The following MYO1C variants were observed in gnomAD, a reference collection of about 807,000 sequenced individuals.
MYO1C encodes unconventional myosin-Ic.
In MYO1C, 104 loss-of-function variants were observed where a neutral mutation model predicts 150.8. The observed-to-expected ratio is 0.69, with a 90% CI of 0.59 to 0.81. The LOEUF is 0.81. MYO1C is among the 30% of genes least tolerant of loss of function. The pLI is 0.00. For missense variants in MYO1C, 1,504 were observed against 1,435.0 expected (o/e 1.05, Z -0.78); for synonymous variants, 663 against 579.9 (o/e 1.14, Z -2.06).
chr17:1,475,588 G>T (rs532703308), intron 14 of MYO1C, among the ~76,000 whole-genome samples: 13 of 152,356 alleles, frequency 8.5e-5, no homozygotes, highest in Non-Finnish European at 1.5e-5. Context: ...TCGTTGCTTC[G>T]GCCGCTGCGG....
Position 1,468,287 on chromosome 17 carries a change from C to G in MYO1C, c.2726G>C (p.Arg909Pro), listed in dbSNP as rs533875818. The G allele has an allele frequency of 6.2e-7, 1 of 1,613,664 alleles. No individual in the cohort carries two copies. Among genetic ancestry groups the G allele is most frequent in the African/African-American group, 1.3e-5 (1 of 74,876 alleles). Residue 909 changes from arginine (R) to proline (P), a missense_variant, in exon 27 of 32, where the codon CGA becomes CCA. Coordinates refer to ENST00000648651, the MANE Select transcript of MYO1C (RefSeq NM_001080779.2). ...CTCAGAGCCCAAGGCCTGCAGCACT[C>G]GGGGGCTGATCTCATCTGTACCTGC... ...TRLGTDEISP[R>P]VLQALGSEPI...
chr17:1,481,818 C>T (rs568204054), intron 5 of MYO1C, among the ~76,000 whole-genome samples: 134 of 118,072 alleles, frequency 1.1e-3, no homozygotes, highest in Non-Finnish European at 1.8e-3. Flanking sequence ...TCCCCTTCTA[C>T]TCAGAGTTAA....
At chr17:1,484,901 G>T (rs866551301) in intron 1 of MYO1C, 2 of 45,966 alleles carry the variant, frequency 4.4e-5, no homozygotes, top group Non-Finnish European at 3.9e-5. Context: ...CACCTCCACC[G>T]GTAGAGCGTC....
chr17:1,471,941 C>G lies in MYO1C; in HGVS notation c.1987G>C (p.Ala663Pro), dbSNP rs767175911. 1.2e-6 allele frequency: 2 copies of G among 1,614,048 alleles called. No homozygotes were observed. The highest frequency in any genetic ancestry group is 8.5e-7 in the Non-Finnish European group (1 of 1,180,042). The change falls in exon 19 of 32, where the codon GCC becomes CCC. Residue 663 changes from alanine to proline, a missense_variant. Ala to Pro is a conservative substitution (Grantham distance 27). Transcript: ENST00000648651. The part of the protein sequence containing the change: ...ENLRVRRAGF[A>P]YRRKYEAFLQ... ...AAAGCTTCGTATTTGCGGCGATAGG[C>G]AAAGCCGGCTCTGCGCACGCGCAGG...
chr17:1,467,804 A>G lies in MYO1C; in HGVS notation c.2967+36T>C, dbSNP rs141538791. ...CCCCACCTCCCCATCTACCTCCCCC[A>G]TCCCCCACCACTCCTCCCCATCCAT... is the stretch of plus-strand genomic sequence containing the variant. On this transcript the variant is annotated intron_variant, in intron 29 of 31. Coordinates refer to ENST00000648651, the MANE Select transcript of MYO1C (RefSeq NM_001080779.2). 9,406 of 866,528 alleles carry G rather than the reference A, an allele frequency of 0.011. 1,015 individuals are homozygous for G. The African/African-American group carries it at 0.18, about 17-fold the overall frequency. The allele number at this position is 866,528 out of a possible 1,614,324, so 53.7% of individuals were successfully genotyped here.
intron 1 of MYO1C, chr17:1,485,642 TG>T: frequency 2.6e-6 from 3 of 1,175,708 alleles, no homozygotes; most frequent in Admixed American, 4.1e-5. Flanking sequence ...CGCCGCGAGG[TG>T]GGGAGGGACG....
chr17:1,484,300 G>C lies in MYO1C; in HGVS notation c.79C>G (p.Leu27Val), dbSNP rs779896434. 6.2e-7 allele frequency: 1 copy of C among 1,609,588 alleles called. No homozygotes were observed. Among genetic ancestry groups the C allele is most frequent in the Admixed American group, 1.7e-5 (1 of 59,990 alleles). ...VHPHRPCKLA[L>V]GSDGVRVTME... is the part of the protein sequence containing the mutation. ...GTCACCCGAACCCCGTCACTGCCCA[G>C]GGCCTGCAGAGAATGGGCCACAGAA... The change falls in exon 2 of 32, where the codon CTG becomes GTG. Residue 27 changes from leucine (L) to valine (V), a missense_variant. Transcript: ENST00000648651.
Position 1,476,241 on chromosome 17 carries a change from C to G in MYO1C, c.1575-1209G>C, listed in dbSNP as rs2074401386. Among the ~76,000 whole-genome samples, 3 of 151,406 alleles carry G rather than the reference C, an allele frequency of 2.0e-5. No individual in the cohort carries two copies. In the South Asian group the frequency reaches 6.2e-4, roughly 32 times the overall value. On this transcript the variant is annotated intron_variant, in intron 14 of 31. Coordinates refer to ENST00000648651, the MANE Select transcript of MYO1C (RefSeq NM_001080779.2). ...TCATCCAGGCTGGAGTGCAGTGGCA[C>G]CATCTCAGCTCACTGCAAGCTCCGC...
Position 1,474,940 on chromosome 17 carries a change from G to A in MYO1C, c.1667C>T (p.Thr556Ile), listed in dbSNP as rs780582904. The change falls in exon 15 of 32, where the codon ACC becomes ATC. Residue 556 changes from threonine to isoleucine, a missense_variant and splice_region_variant. Thr to Ile is a moderately conservative substitution (Grantham distance 89). Transcript: ENST00000648651. ...GGACACAGCCCCAGGATCCTCACCG[G>A]TCACGCTGTAGGTCACCTCCCCCGC... ...HYAGEVTYSV[T>I]GFLDKNNDLL... The A allele has an allele frequency of 1.3e-6, 2 of 1,599,196 alleles. No individual in the cohort carries two copies. The highest frequency in any genetic ancestry group is 1.7e-6 in the Non-Finnish European group (2 of 1,172,482).
At chr17:1,472,280 G>GGGGTC in intron 17 of MYO1C, 52 bp from the exon 18 acceptor site, 1 of 1,523,902 alleles carries the variant, frequency 6.6e-7, no homozygotes, top group Non-Finnish European at 9.1e-7. Flanking sequence ...TAAAGCTGCT[G>GGGGTC]ACCCCAGCAG....
At position 1,484,303 on chromosome 17, in the gene MYO1C, C is replaced by A. The variant is rs2074604584; in HGVS notation, c.76G>T (p.Ala26Ser). 1.9e-6 allele frequency: 3 copies of A among 1,609,298 alleles called. No individual in the cohort carries two copies. The highest frequency in any genetic ancestry group is 2.2e-5 in the South Asian group (2 of 91,094). The part of the protein sequence containing the change: ...VVHPHRPCKL[A>S]LGSDGVRVTM... ...ACCCGAACCCCGTCACTGCCCAGGG[C>A]CTGCAGAGAATGGGCCACAGAAGAG... The change falls in exon 2 of 32, where the codon GCC (alanine) becomes TCC (serine). Residue 26 changes from alanine to serine, a missense_variant and splice_region_variant. Coordinates refer to ENST00000648651, the MANE Select transcript of MYO1C (RefSeq NM_001080779.2).
intron 14 of MYO1C, among the ~76,000 whole-genome samples, chr17:1,475,643 T>C (rs1246284160): frequency 6.6e-6 from 1 of 152,270 alleles, no homozygotes. Flanking sequence ...CTTTTCAGAA[T>C]GGAATCTGCT....
At position 1,478,221 on chromosome 17, in the gene MYO1C, G is replaced by A. The variant is rs775963310; in HGVS notation, c.1296-29C>T. 7 of 1,602,922 alleles carry A rather than the reference G, an allele frequency of 4.4e-6. No homozygotes were observed. The highest frequency in any genetic ancestry group is 5.1e-6 in the Non-Finnish European group (6 of 1,170,858). ...TAAGGAAGGAGAAGAGCCCACAGTG[G>A]CTCAGTGGGGACACAGGACCAGGAG... is the stretch of plus-strand genomic sequence containing the variant. On this transcript the variant is annotated intron_variant, in intron 11 of 31. Coordinates refer to ENST00000648651, the MANE Select transcript of MYO1C (RefSeq NM_001080779.2). This position sits in a 1 kb window ranked among gnomAD's most constrained non-coding sequence, Gnocchi z 6.3.
chr17:1,480,470 AAAGG>A, intron 7 of MYO1C, 53 bp downstream of exon 7: 1 of 1,448,528 alleles, frequency 6.9e-7, no homozygotes, highest in Non-Finnish European at 9.7e-7. Context: ...AACAAAAAAA[AAAGG>A]AGATTTTGGG....
chr17:1,485,775 T>C (rs1410403641), intron 1 of MYO1C: 19 of 1,001,522 alleles, frequency 1.9e-5, no homozygotes, highest in Admixed American at 5.7e-5. Flanking sequence ...TCGGCGGCGG[T>C]GGCGGCGGCG....
chr17:1,467,758 C>A, intron 29 of MYO1C, 82 bp downstream of exon 29: 1 of 602,748 alleles, frequency 1.7e-6, no homozygotes, highest in African/African-American at 2.5e-5. Flanking sequence ...TCCACCCCCA[C>A]ACCCCCTATT....
In MYO1C at chr17:1,468,501, G is replaced by A. The variant is rs772845595; in HGVS notation, c.2611-5C>T. ...AGCCACGGCCTTCTGCTGCAGCTGA[G>A]GAGACAAGGGGGGTGAGGAGAGTGT... On this transcript the variant is annotated splice_region_variant and splice_polypyrimidine_tract_variant and intron_variant, in intron 25 of 31. Coordinates refer to ENST00000648651, the MANE Select transcript of MYO1C (RefSeq NM_001080779.2). 2 of 1,611,510 alleles carry A rather than the reference G, an allele frequency of 1.2e-6. No homozygotes were observed. The highest frequency in any genetic ancestry group is 1.7e-6 in the Non-Finnish European group (2 of 1,177,932).
chr17:1,477,177 T>C (rs1350860248), intron 14 of MYO1C: 9 of 290,872 alleles, frequency 3.1e-5, no homozygotes, highest in Middle Eastern at 1.1e-3. Context: ...TTTATTTTTT[T>C]CCCTTTTTTT....
rs1404539879 is a variant in MYO1C at position 1,479,631 on chromosome 17, G to T, written c.981C>A (p.Ala327=). Residue 327 remains alanine (A), a synonymous_variant, in exon 8 of 32, where the codon GCC becomes GCA. Coordinates refer to ENST00000648651, the MANE Select transcript of MYO1C (RefSeq NM_001080779.2). The surrounding 1 kb of genome is among the most constrained non-coding windows in gnomAD (Gnocchi z 4.2). ...IHFAANEESN[A]QVTTENQLKY... ...TGAGCTGGTTCTCGGTGGTGACCTG[G>T]GCATTGCTCTCCTCGTTGGCAGCAA... 2 of 1,606,796 alleles carry T rather than the reference G, an allele frequency of 1.2e-6. No homozygotes were observed. Among genetic ancestry groups the T allele is most frequent in the Non-Finnish European group, 1.7e-6 (2 of 1,177,204 alleles).
Sources: gnomAD v4.1 joint callset for allele counts (sites outside exome capture counted in the v4.1 genomes callset) on GRCh38, gnomAD v4.1.1 for gene constraint, Gnocchi (gnomAD v3.1) non-coding constraint, MANE v1.5 for transcripts, NCBI Gene and HGNC (gene_info 2026-07-23, HGNC 2026-07-21) for gene names.